Variants in SOCS7 observed in about 807,000 individuals in gnomAD.
SOCS7 encodes the protein NAP-4.
In SOCS7, 18 loss-of-function variants were observed where a neutral mutation model predicts 58.9. The ratio of observed to expected loss-of-function variants is 0.31; its 90% CI spans 0.21 to 0.45. The LOEUF (loss-of-function observed/expected upper bound fraction) is 0.45. SOCS7 is among the 20% of genes least tolerant of loss of function. The probability of loss-of-function intolerance (pLI) is 1.00; values close to 1 mark genes in which losing one functional copy is unlikely to be tolerated. For synonymous variants in SOCS7, 388 were observed against 364.3 expected (o/e 1.06, Z -0.74); for missense variants, 667 against 837.3 (o/e 0.80, Z 2.51).
Position 38,395,317 on chromosome 17 carries a change from C to T in SOCS7, c.1690C>T (p.Pro564Ser), listed in dbSNP as rs780827348. 2.5e-6 allele frequency: 4 copies of T among 1,613,912 alleles called. No homozygotes were observed. Among genetic ancestry groups the T allele is most frequent in the Non-Finnish European group, 3.4e-6 (4 of 1,179,878 alleles). Reference protein sequence around the residue: ...FLRSRVPGLPPTPVQLLYPVS... With the variant: ...FLRSRVPGLPSTPVQLLYPVS... ...TGTTTTCTTTCTTGAAGGACTGCCA[C>T]CAACTCCTGTCCAGCTGCTCTATCC... is the stretch of plus-strand genomic sequence containing the variant. The change falls in exon 8 of 10, where the codon CCA (proline) becomes TCA (serine). Residue 564 changes from proline to serine, a missense_variant. Physicochemically the swap from Pro to Ser is moderately conservative, Grantham distance 74. This residue lies in a region of SOCS7 where 76 missense variants were observed against 194.5 expected (regional missense o/e 0.39). Coordinates refer to ENST00000612932, the MANE Select transcript of SOCS7 (RefSeq NM_014598.4).
chr17:38,372,283 A>T (rs2144349409), intron 6 of SOCS7, among the ~76,000 whole-genome samples: 1 of 152,376 alleles, frequency 6.6e-6, no homozygotes, highest in Non-Finnish European at 1.5e-5. Flanking sequence ...AAATATATAC[A>T]AATCTGTTAT....
chr17:38,352,754 C>T lies in SOCS7; in HGVS notation c.702C>T (p.Val234=), dbSNP rs1312832397. The part of the protein sequence containing the change: ...PPVPFPLQDL[V]PLGRLSRGEQ... ...TGCCCTTCCCGCTGCAGGACTTGGT[C>T]CCTCTGGGGCGCCTGAGTAGAGGGG... Residue 234 remains valine, a synonymous_variant, in exon 1 of 10, where the codon GTC becomes GTT. Coordinates refer to ENST00000612932, the MANE Select transcript of SOCS7 (RefSeq NM_014598.4). The surrounding 1 kb of genome is among the most constrained non-coding windows in gnomAD (Gnocchi z 5.5). The T allele has an allele frequency of 1.4e-5, 21 of 1,550,028 alleles. No individual in the cohort carries two copies. In the South Asian group the frequency reaches 1.9e-4, roughly 14 times the overall value.
chr17:38,381,234 A>G (rs923299635), intron 7 of SOCS7, among the ~76,000 whole-genome samples: 1 of 152,196 alleles, frequency 6.6e-6, no homozygotes, highest in Non-Finnish European at 1.5e-5. Flanking sequence ...CTCGACCCTA[A>G]GTGACCTCTC....
intron 6 of SOCS7, among the ~76,000 whole-genome samples, chr17:38,377,202 G>A (rs907511397): frequency 1.3e-5 from 2 of 152,142 alleles, no homozygotes; most frequent in Non-Finnish European, 2.9e-5. Flanking sequence ...AAAGATTAAT[G>A]TTCATACTCA....
intron 7 of SOCS7, among the ~76,000 whole-genome samples, chr17:38,379,901 C>T (rs41471244): frequency 0.046 from 7,067 of 152,144 alleles, 194 homozygotes; most frequent in Middle Eastern, 0.2. Context: ...AATAAGCTAC[C>T]TTTCTGCCTT....
In SOCS7 at chr17:38,395,492, TG is replaced by T. The variant is rs2038233525; in HGVS notation, c.1817+52del. Reference sequence around the variant, plus strand: ...GGGACAGGAATGAGTAAGGGGGTTGTGGGGAGGTAACAATGTCAGTGAGGCC... The same window carrying T: ...GGGACAGGAATGAGTAAGGGGGTTGTGGGAGGTAACAATGTCAGTGAGGCC... On this transcript the variant is annotated intron_variant, in intron 8 of 9. Coordinates refer to ENST00000612932, the MANE Select transcript of SOCS7 (RefSeq NM_014598.4). 3 of 1,586,486 alleles carry T rather than the reference TG, an allele frequency of 1.9e-6. No individual in the cohort carries two copies. The East Asian group carries it at 6.8e-5, about 36-fold the overall frequency.
intron 7 of SOCS7, among the ~76,000 whole-genome samples, chr17:38,380,627 T>C (rs1276432496): frequency 6.8e-6 from 1 of 146,698 alleles, no homozygotes; most frequent in African/African-American, 2.5e-5. Context: ...CAAGACTCTG[T>C]CTCAAAAAAA....
intron 7 of SOCS7, among the ~76,000 whole-genome samples, chr17:38,379,349 G>A (rs1054112425): frequency 6.6e-6 from 1 of 151,694 alleles, no homozygotes; most frequent in Non-Finnish European, 1.5e-5. Flanking sequence ...GTGGTGGCAG[G>A]TGCCTTGTAA....
At chr17:38,381,595 G>A (rs924016755) in intron 7 of SOCS7, among the ~76,000 whole-genome samples, 1 of 152,090 alleles carries the variant, frequency 6.6e-6, no homozygotes, top group Non-Finnish European at 1.5e-5. Flanking sequence ...GAGGTCCAGT[G>A]AGTTGCAGAA....
chr17:38,378,658 A>G (rs1468884343), intron 7 of SOCS7, among the ~76,000 whole-genome samples: 1 of 152,192 alleles, frequency 6.6e-6, no homozygotes, highest in Non-Finnish European at 1.5e-5. Context: ...CCTACCATTG[A>G]TGAATACAAG....
At chr17:38,357,525 C>T (rs909996931) in intron 1 of SOCS7, among the ~76,000 whole-genome samples, 1 of 152,192 alleles carries the variant, frequency 6.6e-6, no homozygotes, top group African/African-American at 2.4e-5. Flanking sequence ...CTTGGCTTTT[C>T]CCTGGAAGTT....
intron 7 of SOCS7, among the ~76,000 whole-genome samples, chr17:38,387,477 G>GTA (rs1390471315): frequency 2.6e-4 from 37 of 141,918 alleles, no homozygotes; most frequent in Admixed American, 4.4e-4. Flanking sequence ...ACAATATATA[G>GTA]TATATATATA....
At chr17:38,361,968 T>C (rs2037726432) in intron 2 of SOCS7, among the ~76,000 whole-genome samples, 193 bp downstream of exon 2, 1 of 152,206 alleles carries the variant, frequency 6.6e-6, no homozygotes, top group Non-Finnish European at 1.5e-5. Context: ...GGATGCTTTA[T>C]AGTTGGAGGT....
intron 7 of SOCS7, among the ~76,000 whole-genome samples, chr17:38,384,688 G>A (rs2038045211): frequency 6.6e-6 from 1 of 151,792 alleles, no homozygotes; most frequent in Admixed American, 6.6e-5. Flanking sequence ...CACATCCCGG[G>A]TTCAAGTGAT....
chr17:38,372,663 G>A (rs1298942915), intron 6 of SOCS7, among the ~76,000 whole-genome samples: 1 of 152,178 alleles, frequency 6.6e-6, no homozygotes, highest in East Asian at 1.9e-4. Flanking sequence ...ACCCACTAGT[G>A]CCACTAGTGT....
intron 7 of SOCS7, among the ~76,000 whole-genome samples, chr17:38,385,320 A>G (rs2144376853): frequency 6.6e-6 from 1 of 152,046 alleles, no homozygotes; most frequent in South Asian, 2.1e-4. Context: ...ACGTTGTTTA[A>G]TATGTTCCTC....
Position 38,366,371 on chromosome 17 carries a change from G to A in SOCS7, c.1337G>A (p.Arg446Gln), listed in dbSNP as rs370033423. 4.3e-6 allele frequency: 7 copies of A among 1,614,178 alleles called. No individual in the cohort carries two copies. Among genetic ancestry groups the A allele is most frequent in the African/African-American group, 2.7e-5 (2 of 75,044 alleles). The change falls in exon 5 of 10, where the codon CGG becomes CAG. Residue 446 changes from arginine to glutamine, a missense_variant. By Grantham distance (43) the Arg-to-Gln change is conservative (BLOSUM62 1). Coordinates refer to ENST00000612932, the MANE Select transcript of SOCS7 (RefSeq NM_014598.4). Reference sequence around the variant, plus strand: ...CAGCACCTCCAGTGTCCCCTCTACCGGCCTGACTCGAGCAGCTTTGCAGCC... The same window carrying A: ...CAGCACCTCCAGTGTCCCCTCTACCAGCCTGACTCGAGCAGCTTTGCAGCC... ...PPQHLQCPLY[R>Q]PDSSSFAASL...
chr17:38,357,108 A>G (rs1221417005), intron 1 of SOCS7, among the ~76,000 whole-genome samples: 1 of 152,198 alleles, frequency 6.6e-6, no homozygotes, highest in African/African-American at 2.4e-5. Flanking sequence ...GGGGGAAAAA[A>G]ACAAAATATA....
intron 7 of SOCS7, among the ~76,000 whole-genome samples, chr17:38,380,058 G>T (rs1302383592): frequency 6.6e-6 from 1 of 152,130 alleles, no homozygotes; most frequent in African/African-American, 2.4e-5. Flanking sequence ...TCTCAAAGAA[G>T]ATTCTGGACT....
Sources: gnomAD v4.1 joint callset for allele counts (sites outside exome capture counted in the v4.1 genomes callset) on GRCh38, gnomAD v4.1.1 for gene constraint, gnomAD v4.1.1 regional missense constraint, Gnocchi (gnomAD v3.1) non-coding constraint, MANE v1.5 for transcripts, NCBI Gene and HGNC (gene_info 2026-07-23, HGNC 2026-07-21) for gene names.